The following HCLS1 variants were observed in gnomAD, a reference collection of about 807,000 sequenced individuals.
HCLS1 encodes the protein hematopoietic lineage cell-specific protein.
In HCLS1, 44 loss-of-function variants were observed where a neutral mutation model predicts 68.6. The observed-to-expected ratio is 0.64, with a 90% CI of 0.50 to 0.82. HCLS1 has a LOEUF of 0.82. Ranked by LOEUF, HCLS1 falls within the 40% of genes least tolerant of loss-of-function variation. The pLI is 0.00. For synonymous variants in HCLS1, 217 were observed against 225.8 expected, an observed-to-expected ratio of 0.96 and a Z score of 0.35; for missense variants, 602 against 612.1, an observed-to-expected ratio of 0.98 and a Z score of 0.17.
intron 3 of HCLS1, among the ~76,000 whole-genome samples, chr3:121,649,181 C>T (rs1332928507): frequency 1.3e-5 from 2 of 151,808 alleles, no homozygotes; most frequent in Non-Finnish European, 2.9e-5. Flanking sequence ...TTGTTGAGGC[C>T]CAAAGAAAAC....
Position 121,637,253 on chromosome 3 carries a change from T to C in HCLS1, c.458A>G (p.Tyr153Cys), listed in dbSNP as rs2049158747. The change falls in exon 7 of 14, where the codon TAC (tyrosine) becomes TGC (cysteine). Residue 153 changes from tyrosine to cysteine, a missense_variant. Physicochemically the swap from Tyr to Cys is radical, Grantham distance 194. Coordinates refer to ENST00000314583, the MANE Select transcript of HCLS1 (RefSeq NM_005335.6). ...GTACCGGCCACCAAAGCCACGAGAG[T>C]AATCTGTGGTCGAAGGAGCAGTCAT... Reference protein sequence around the residue: ...EVEKHTSQKDYSRGFGGRYGV... With the variant: ...EVEKHTSQKDCSRGFGGRYGV... The C allele has an allele frequency of 6.2e-7, 1 of 1,609,812 alleles. No homozygotes were observed. Among genetic ancestry groups the C allele is most frequent in the Admixed American group, 1.7e-5 (1 of 59,964 alleles).
intron 3 of HCLS1, among the ~76,000 whole-genome samples, chr3:121,650,305 GA>G (rs1937717194): frequency 6.6e-6 from 1 of 151,542 alleles, no homozygotes; most frequent in African/African-American, 2.4e-5. Context: ...ATTCTTGTAG[GA>G]ATTGACTAGT....
At position 121,641,206 on chromosome 3, in the gene HCLS1, A is replaced by T. The variant is rs562291771; in HGVS notation, c.454+1721T>A. On this transcript the variant is annotated intron_variant, in intron 6 of 13. Transcript: ENST00000314583. ...AGAGACCAAAAGAAAATCTTTAATT[A>T]AAAAAAACCCGGAGATATAAGACAT... Among the ~76,000 whole-genome samples, 3 of 152,198 alleles carry T rather than the reference A, an allele frequency of 2.0e-5. No homozygotes were observed. In the South Asian group the frequency reaches 6.2e-4, roughly 32 times the overall value.
chr3:121,644,291 TCTCTTTAAAACAACA>T, intron 5 of HCLS1: 1 of 221,256 alleles, frequency 4.5e-6, no homozygotes, highest in African/African-American at 2.3e-5. Flanking sequence ...TACTTTTTTT[TCTCTTTAAAACAACA>T]TTTTGTTTTG....
In HCLS1 at chr3:121,632,117, T is replaced by G; in HGVS notation, c.1308A>C (p.Val436=). 6.2e-7 allele frequency: 1 copy of G among 1,614,016 alleles called. No individual in the cohort carries two copies. The highest frequency in any genetic ancestry group is 8.5e-7 in the Non-Finnish European group (1 of 1,180,002). ...AVALGISAVA[V]YDYQGEGSDE... ...CCAACCTACCTCCTTGGTAATCATA[T>G]ACAGCCACAGCTGAGATCCCCAGAG... is the stretch of plus-strand genomic sequence containing the variant. Residue 436 remains valine (V), a synonymous_variant, in exon 13 of 14, where the codon GTA becomes GTC. Transcript: ENST00000314583.
chr3:121,644,989 C>G, intron 4 of HCLS1, 61 bp from the exon 5 acceptor site: 1 of 1,289,762 alleles, frequency 7.8e-7, no homozygotes. Context: ...AAAATAAATA[C>G]AGATATGGAG....
At position 121,632,168 on chromosome 3, in the gene HCLS1, C is replaced by T. The variant is rs777761340; in HGVS notation, c.1257G>A (p.Pro419=). 1.5e-5 allele frequency: 25 copies of T among 1,614,078 alleles called. No homozygotes were observed. The highest frequency in any genetic ancestry group is 5.5e-5 in the South Asian group (5 of 91,066). The change falls in exon 13 of 14, where the codon CCG becomes CCA. Residue 419 remains proline, a synonymous_variant. Transcript: ENST00000314583. ...SSALAGSSGC[P]AGAGAGAVAL... ...CCACAGCCCCAGCCCCAGCCCCAGCCGGGCAGCCTGATGATCCTGCATAAT... is the reference window on the plus strand; with the variant it reads ...CCACAGCCCCAGCCCCAGCCCCAGCTGGGCAGCCTGATGATCCTGCATAAT...
intron 3 of HCLS1, chr3:121,655,535 G>T (rs1204652680): frequency 1.6e-5 from 2 of 128,316 alleles, no homozygotes; most frequent in Non-Finnish European, 3.1e-5. Flanking sequence ...GTGTTGGGAA[G>T]TTTTCAATTA....
At chr3:121,646,395 T>TTATACATA (rs1405780955) in intron 4 of HCLS1, among the ~76,000 whole-genome samples, 1 of 50,810 alleles carries the variant, frequency 2.0e-5, no homozygotes, top group African/African-American at 6.4e-5. Context: ...TATATTACTA[T>TTATACATA]GTAATATATT....
chr3:121,640,172 C>A (rs1576463112), intron 6 of HCLS1, among the ~76,000 whole-genome samples: 2 of 151,902 alleles, frequency 1.3e-5, no homozygotes, highest in Non-Finnish European at 2.9e-5. Flanking sequence ...ACAAAATGAA[C>A]AAATTCCTTG....
Position 121,642,747 on chromosome 3 carries a change from G to A in HCLS1, c.454+180C>T, listed in dbSNP as rs7648708. ...CCCATGATTGTGTCACTGCACTCCC[G>A]CCTGGGTGACAGTGCAAGACCCTGT... On this transcript the variant is annotated intron_variant, in intron 6 of 13. Coordinates refer to ENST00000314583, the MANE Select transcript of HCLS1 (RefSeq NM_005335.6). 2.6e-5 allele frequency among the ~76,000 whole-genome samples: 4 copies of A among 152,254 alleles called. No homozygotes were observed. Among genetic ancestry groups the A allele is most frequent in the Admixed American group, 2.0e-4 (3 of 15,292 alleles).
At chr3:121,634,179 T>G (rs1415625356) in intron 10 of HCLS1, 28 bp downstream of exon 10, 2 of 1,613,360 alleles carry the variant, frequency 1.2e-6, no homozygotes, top group Non-Finnish European at 1.7e-6. Context: ...AGATCCTGGA[T>G]GTGGATCCCA....
At chr3:121,655,462 C>CTTTTTTTTTTTTTTT (rs1181452367) in intron 3 of HCLS1, 1 of 50,066 alleles carries the variant, frequency 2.0e-5, no homozygotes, top group Admixed American at 2.2e-4. Context: ...GTTGCTTGCT[C>CTTTTTTTTTTTTTTT]TTTTTTTTTT....
chr3:121,659,287 A>G (rs1937940407), intron 1 of HCLS1, among the ~76,000 whole-genome samples: 1 of 152,052 alleles, frequency 6.6e-6, no homozygotes, highest in African/African-American at 2.4e-5. Flanking sequence ...GTTGCTCTGC[A>G]TCTGTGGATT....
intron 7 of HCLS1, 55 bp from the exon 8 acceptor site, chr3:121,636,544 T>A: frequency 7.5e-7 from 1 of 1,330,804 alleles, no homozygotes; most frequent in Non-Finnish European, 1.1e-6. Flanking sequence ...GAATGGGTGG[T>A]GAGAAGAATC....
chr3:121,648,564 T>C (rs1280230445), intron 3 of HCLS1, among the ~76,000 whole-genome samples: 2 of 152,148 alleles, frequency 1.3e-5, no homozygotes, highest in African/African-American at 2.4e-5. Flanking sequence ...GGTATTAAGA[T>C]AGTGATGTTA....
Position 121,632,491 on chromosome 3 carries a change from C to T in HCLS1, c.1081G>A (p.Glu361Lys), listed in dbSNP as rs2070180. The T allele has an allele frequency of 0.26, 420,846 of 1,613,780 alleles. 59,047 individuals carry two copies. The highest frequency in any genetic ancestry group is 0.29 in the Non-Finnish European group (346,892 of 1,179,950). ...GLQVEEEPVY[E>K]AEPEPEPEPE... ...TCGGGCTCAGGCTCAGGCTCTGCTT[C>T]GTACACTGGCTCTTCCTCCACCTGG... Residue 361 changes from glutamate (E) to lysine (K), a missense_variant, in exon 12 of 14, where the codon GAA (glutamate) becomes AAA (lysine). By Grantham distance (56) the Glu-to-Lys change is moderately conservative. Coordinates refer to ENST00000314583, the MANE Select transcript of HCLS1 (RefSeq NM_005335.6).
rs367590458 is a variant in HCLS1 at position 121,641,670 on chromosome 3, G to T, written c.454+1257C>A. On this transcript the variant is annotated intron_variant, in intron 6 of 13. Coordinates refer to ENST00000314583, the MANE Select transcript of HCLS1 (RefSeq NM_005335.6). ...TTTCCAATACACTCAGGAAGAGATT[G>T]TGATTAATTTTAAATTTAAGTCAAA... Among the ~76,000 whole-genome samples, 11 of 152,264 alleles carry T rather than the reference G, an allele frequency of 7.2e-5. No individual in the cohort carries two copies. In the East Asian group the frequency reaches 1.3e-3, roughly 19 times the overall value.
chr3:121,659,307 G>A (rs574300981), intron 1 of HCLS1, among the ~76,000 whole-genome samples: 1 of 152,048 alleles, frequency 6.6e-6, no homozygotes, highest in Non-Finnish European at 1.5e-5. Flanking sequence ...TTGGTGTGAA[G>A]AAGTAACAAC....
Sources: gnomAD v4.1 joint callset for allele counts (sites outside exome capture counted in the v4.1 genomes callset) on GRCh38, gnomAD v4.1.1 for gene constraint, MANE v1.5 for transcripts, NCBI Gene and HGNC (gene_info 2026-07-23, HGNC 2026-07-21) for gene names.